MYO1E: variants seen among roughly 807,000 people sequenced by gnomAD.
MYO1E encodes the protein myosin IE.
Under a neutral mutation model 151.1 loss-of-function variants are expected in MYO1E, and 68 were observed. That is an observed-to-expected ratio of 0.45 (90% CI 0.37 to 0.55). The LOEUF is 0.55. MYO1E is among the 20% of genes least tolerant of loss of function. The probability of loss-of-function intolerance (pLI) is 0.00; values close to 1 mark genes in which losing one functional copy is unlikely to be tolerated. For missense variants in MYO1E, 1,363 were observed against 1,389.3 expected (o/e 0.98, Z 0.30); for synonymous variants, 601 against 501.7 (o/e 1.20, Z -2.64).
At chr15:59,189,116 T>C (rs1251522486) in intron 17 of MYO1E, among the ~76,000 whole-genome samples, 1 of 151,966 alleles carries the variant, frequency 6.6e-6, no homozygotes, top group Non-Finnish European at 1.5e-5. Context: ...GGCTACATTG[T>C]AGTGATGTGA....
intron 2 of MYO1E, among the ~76,000 whole-genome samples, chr15:59,261,717 A>C (rs2080225327): frequency 6.6e-6 from 1 of 152,336 alleles, no homozygotes; most frequent in South Asian, 2.1e-4. Flanking sequence ...TAAATTACCA[A>C]GGTGCTACAA....
At chr15:59,168,287 C>T (rs1330468610) in intron 22 of MYO1E, among the ~76,000 whole-genome samples, 2 of 152,072 alleles carry the variant, frequency 1.3e-5, no homozygotes, top group African/African-American at 4.8e-5. Context: ...TGGCTCATGC[C>T]TGTAATCCTA....
intron 1 of MYO1E, among the ~76,000 whole-genome samples, chr15:59,337,449 T>A (rs1456758074): frequency 6.6e-6 from 1 of 152,244 alleles, no homozygotes; most frequent in Non-Finnish European, 1.5e-5. Flanking sequence ...ATGGTTTTAT[T>A]CTGTTCTACA....
intron 1 of MYO1E, among the ~76,000 whole-genome samples, chr15:59,349,162 G>A (rs1357839416): frequency 6.6e-6 from 1 of 151,992 alleles, no homozygotes; most frequent in Non-Finnish European, 1.5e-5. Flanking sequence ...GAAAAAAGGG[G>A]ATCATTTGAA....
chr15:59,218,893 C>T (rs558735838), intron 9 of MYO1E, among the ~76,000 whole-genome samples: 134 of 152,268 alleles, frequency 8.8e-4, no homozygotes, highest in African/African-American at 3.1e-3. Context: ...AGACGGTCTA[C>T]AGTGTGTGGA....
intron 1 of MYO1E, among the ~76,000 whole-genome samples, chr15:59,311,589 T>A (rs1254123362): frequency 7.9e-5 from 12 of 152,160 alleles, no homozygotes; most frequent in African/African-American, 2.9e-4. Context: ...GTTTACCATA[T>A]AAGAACCATA....
At chr15:59,160,320 G>A (rs1422427997) in intron 24 of MYO1E, among the ~76,000 whole-genome samples, 2 of 148,326 alleles carry the variant, frequency 1.3e-5, no homozygotes, top group East Asian at 4.0e-4. Context: ...GAGTTAGACT[G>A]GGGTTTGAGG....
intron 16 of MYO1E, among the ~76,000 whole-genome samples, chr15:59,201,257 C>A (rs1031897457): frequency 6.6e-6 from 1 of 151,880 alleles, no homozygotes; most frequent in Non-Finnish European, 1.5e-5. Context: ...AGCCACTACA[C>A]CTCATTTTTA....
intron 26 of MYO1E, among the ~76,000 whole-genome samples, chr15:59,148,079 T>TTA (rs1228777415): frequency 6.6e-6 from 1 of 152,168 alleles, no homozygotes; most frequent in East Asian, 1.9e-4. Flanking sequence ...GCATTGTGCT[T>TTA]TATAGCACAC....
intron 1 of MYO1E, among the ~76,000 whole-genome samples, chr15:59,356,304 A>C (rs2080852244): frequency 6.8e-6 from 1 of 147,440 alleles, no homozygotes; most frequent in African/African-American, 2.5e-5. Context: ...CCGAAGGGCA[A>C]GCACAACGGA....
intron 1 of MYO1E, among the ~76,000 whole-genome samples, chr15:59,356,887 T>TTTG (rs1567023783): frequency 4.0e-5 from 6 of 149,794 alleles, no homozygotes; most frequent in Admixed American, 1.3e-4. Context: ...AAGTTTTTTT[T>TTTG]TTTGTTTGTT....
In MYO1E at chr15:59,219,589, T is replaced by A. The variant is rs145920294; in HGVS notation, c.911-1502A>T. On this transcript the variant is annotated intron_variant, in intron 9 of 27. Transcript: ENST00000288235. Reference sequence around the variant, plus strand: ...AAGTATAATGCCAGAACAAGACATTTATCCTCTATATGAGTGTTTCACAAA... The same window carrying A: ...AAGTATAATGCCAGAACAAGACATTAATCCTCTATATGAGTGTTTCACAAA... Among the ~76,000 whole-genome samples the A allele has an allele frequency of 2.0e-3, 309 of 152,356 alleles. 3 individuals are homozygous for A. Among genetic ancestry groups the A allele is most frequent in the African/African-American group, 7.0e-3 (292 of 41,586 alleles).
chr15:59,273,368 AGATAAT>A (rs75995986), intron 1 of MYO1E, among the ~76,000 whole-genome samples: 30,818 of 152,012 alleles, frequency 0.2, 3,188 homozygotes, highest in African/African-American at 0.26. Flanking sequence ...GAAGACACCT[AGATAAT>A]GATGGAACAA....
intron 1 of MYO1E, among the ~76,000 whole-genome samples, chr15:59,285,673 T>C (rs768977532): frequency 8.6e-5 from 13 of 151,966 alleles, no homozygotes; most frequent in Non-Finnish European, 1.6e-4. Flanking sequence ...AAAAAAATAA[T>C]AAAATCAATT....
At chr15:59,169,138 G>C (rs867102098) in intron 22 of MYO1E, among the ~76,000 whole-genome samples, 1 of 152,206 alleles carries the variant, frequency 6.6e-6, no homozygotes, top group Admixed American at 6.5e-5. Context: ...GACATTAATT[G>C]TAAGAGCTAG....
intron 18 of MYO1E, among the ~76,000 whole-genome samples, chr15:59,179,523 T>G (rs541059086): frequency 1.3e-5 from 2 of 152,260 alleles, no homozygotes; most frequent in South Asian, 2.1e-4. Context: ...CTGCATGAGG[T>G]GCTGTGATTG....
intron 1 of MYO1E, among the ~76,000 whole-genome samples, chr15:59,272,680 A>G (rs2080295317): frequency 6.6e-6 from 1 of 152,236 alleles, no homozygotes; most frequent in Non-Finnish European, 1.5e-5. Context: ...GAAGTGACAC[A>G]AAGTGACTTC....
chr15:59,253,181 G>A (rs1171237649), intron 4 of MYO1E, among the ~76,000 whole-genome samples: 5 of 152,148 alleles, frequency 3.3e-5, no homozygotes, highest in Non-Finnish European at 7.3e-5. Flanking sequence ...AGACTGCTAG[G>A]GCAACAATTA....
intron 17 of MYO1E, among the ~76,000 whole-genome samples, chr15:59,195,056 C>T (rs761843271): frequency 6.6e-6 from 1 of 152,212 alleles, no homozygotes; most frequent in Non-Finnish European, 1.5e-5. Context: ...AGCTCTTACG[C>T]CCTCCACTTT....
Sources: gnomAD v4.1 joint callset for allele counts (sites outside exome capture counted in the v4.1 genomes callset) on GRCh38, gnomAD v4.1.1 for gene constraint, MANE v1.5 for transcripts, NCBI Gene and HGNC (gene_info 2026-07-23, HGNC 2026-07-21) for gene names.